The following PTPN6 variants were observed in gnomAD, a reference collection of about 807,000 sequenced individuals.
PTPN6 encodes protein tyrosine phosphatase non-receptor type 6.
PTPN6 carries 18 observed loss-of-function variants against 81.5 expected under a neutral mutation model. That is an observed-to-expected ratio of 0.22 (90% confidence interval 0.15 to 0.33). The LOEUF (loss-of-function observed/expected upper bound fraction) is 0.33, where lower values mean the gene tolerates loss of function less well. Among genes scored for constraint, PTPN6 ranks in the 10% least tolerant of loss-of-function variants. The pLI is 1.00. For missense variants in PTPN6, 500 were observed against 794.2 expected, an observed-to-expected ratio of 0.63 and a Z score of 4.45; for synonymous variants, 301 against 310.9, an observed-to-expected ratio of 0.97 and a Z score of 0.33.
Position 6,960,242 on chromosome 12 carries a change from G to A in PTPN6, c.1581+3G>A, listed in dbSNP as rs1181710206. The A allele has an allele frequency of 7.5e-6, 12 of 1,606,752 alleles. No individual in the cohort carries two copies. The highest frequency in any genetic ancestry group is 3.3e-5 in the Admixed American group (2 of 59,912). ...AGAAGAAGCTGGAGGTCCTGCAGGT[G>A]CGTGCAGAGCAGGGCCTGGGGGGGG... is the stretch of plus-strand genomic sequence containing the variant. On this transcript the variant is annotated splice_donor_region_variant and intron_variant, in intron 13 of 15. Transcript: ENST00000318974. This position sits in a 1 kb window ranked among gnomAD's most constrained non-coding sequence, Gnocchi z 6.1.
Position 6,960,204 on chromosome 12 carries a change from A to G in PTPN6, c.1546A>G (p.Ile516Val). The G allele has an allele frequency of 1.2e-6, 2 of 1,609,422 alleles. No individual in the cohort carries two copies. Among genetic ancestry groups the G allele is most frequent in the Non-Finnish European group, 1.7e-6 (2 of 1,179,208 alleles). ...CATCTACGTGGCCATCGCCCAGTTC[A>G]TTGAAACCACTAAGAAGAAGCTGGA... The part of the protein sequence containing the change: ...KFIYVAIAQF[I>V]ETTKKKLEVL... Residue 516 changes from isoleucine to valine, a missense_variant, in exon 13 of 16, where the codon ATT becomes GTT. This residue lies in a region of PTPN6 where 226 missense variants were observed against 364.4 expected (regional missense o/e 0.62). Transcript: ENST00000318974. This position sits in a 1 kb window ranked among gnomAD's most constrained non-coding sequence, Gnocchi z 6.1.
At position 6,960,930 on chromosome 12, in the gene PTPN6, T is replaced by C; in HGVS notation, c.*10T>C. 3.2e-6 allele frequency: 5 copies of C among 1,559,736 alleles called. No homozygotes were observed. Among genetic ancestry groups the C allele is most frequent in the Non-Finnish European group, 4.3e-6 (5 of 1,151,640 alleles). The stretch of plus-strand genomic sequence containing the variant: ...CCTCAAGAGGAAGTGAGCGGTGCTG[T>C]CCTCAGGTGGCCATGGTACAGCTCT... On this transcript the variant is annotated 3_prime_UTR_variant, in exon 15 of 16. Coordinates refer to ENST00000318974, the MANE Select transcript of PTPN6 (RefSeq NM_002831.6). This position sits in a 1 kb window ranked among gnomAD's most constrained non-coding sequence, Gnocchi z 6.1.
Position 6,957,510 on chromosome 12 carries a change from A to C in PTPN6, c.1075-144A>C. ...GGTGGTTGATCTGAGACGAGAGCCC[A>C]GGTCTCCTGCCTCTCTGCCAGCCCA... On this transcript the variant is annotated intron_variant, in intron 9 of 15. Coordinates refer to ENST00000318974, the MANE Select transcript of PTPN6 (RefSeq NM_002831.6). The surrounding 1 kb of genome is among the most constrained non-coding windows in gnomAD (Gnocchi z 6.5). 1 of 1,103,234 alleles carries C rather than the reference A, an allele frequency of 9.1e-7. No individual in the cohort carries two copies. Among genetic ancestry groups the C allele is most frequent in the African/African-American group, 1.5e-5 (1 of 64,672 alleles). The allele number at this position is 1,103,234 out of a possible 1,614,324, so 68.3% of individuals were successfully genotyped here.
Position 6,951,921 on chromosome 12 carries a change from C to T in PTPN6, c.132-62C>T, listed in dbSNP as rs868969678. ...GTGTGCCCCCACCCAGGACCTCAGCCGATCCCTGCCCTCCTGCCTCTACTC... is the reference window on the plus strand; with the variant it reads ...GTGTGCCCCCACCCAGGACCTCAGCTGATCCCTGCCCTCCTGCCTCTACTC... On this transcript the variant is annotated intron_variant, in intron 2 of 15. Transcript: ENST00000318974. This position sits in a 1 kb window ranked among gnomAD's most constrained non-coding sequence, Gnocchi z 7.2. 26 of 1,582,264 alleles carry T rather than the reference C, an allele frequency of 1.6e-5. No homozygotes were observed. Among genetic ancestry groups the T allele is most frequent in the African/African-American group, 4.0e-5 (3 of 74,082 alleles).
Position 6,957,566 on chromosome 12 carries a change from G to A in PTPN6, c.1075-88G>A, listed in dbSNP as rs1555148905. On this transcript the variant is annotated intron_variant, in intron 9 of 15. Coordinates refer to ENST00000318974, the MANE Select transcript of PTPN6 (RefSeq NM_002831.6). The surrounding 1 kb of genome is among the most constrained non-coding windows in gnomAD (Gnocchi z 6.5). ...CCATCCAACAAATGTTTGGGCCGGT[G>A]CCAGGCACTCAGAACATAGAGCAGG... 1.3e-6 allele frequency: 2 copies of A among 1,513,956 alleles called. No individual in the cohort carries two copies. Among genetic ancestry groups the A allele is most frequent in the African/African-American group, 1.4e-5 (1 of 72,776 alleles). 93.8% of individuals were successfully genotyped at this position (1,513,956 alleles called of 1,614,324 possible).
At chr12:6,951,270 T>A, upstream of PTPN6, 1 of 1,444,614 alleles carries the variant, frequency 6.9e-7, no homozygotes, top group Non-Finnish European at 9.1e-7. This position sits in a 1 kb window ranked among gnomAD's most constrained non-coding sequence, Gnocchi z 7.2. Flanking sequence ...TCCCTTGCTG[T>A]GCTCTAAAAC....
chr12:6,951,848 C>T lies in PTPN6; in HGVS notation c.131+117C>T. On this transcript the variant is annotated intron_variant, in intron 2 of 15. Transcript: ENST00000318974. This position sits in a 1 kb window ranked among gnomAD's most constrained non-coding sequence, Gnocchi z 7.2. ...GCTGACTCCCCGTCTGTTCCCTTGCCCCCAACCCCCACACTCCCCATCCCT... is the reference window on the plus strand; with the variant it reads ...GCTGACTCCCCGTCTGTTCCCTTGCTCCCAACCCCCACACTCCCCATCCCT... 6.3e-7 allele frequency: 1 copy of T among 1,575,796 alleles called. No homozygotes were observed. The highest frequency in any genetic ancestry group is 1.1e-5 in the South Asian group (1 of 89,918).
chr12:6,951,443 C>A lies in PTPN6; in HGVS notation c.-70C>A. On this transcript the variant is annotated 5_prime_UTR_variant, in exon 1 of 16. Coordinates refer to ENST00000318974, the MANE Select transcript of PTPN6 (RefSeq NM_002831.6). This position sits in a 1 kb window ranked among gnomAD's most constrained non-coding sequence, Gnocchi z 7.2. ...CTGCATCTGAGGCTTAGTCCCTGAGCTCTCTGCCTGCCCAGACTAGCTGCA... is the reference window on the plus strand; with the variant it reads ...CTGCATCTGAGGCTTAGTCCCTGAGATCTCTGCCTGCCCAGACTAGCTGCA... 6.2e-7 allele frequency: 1 copy of A among 1,604,488 alleles called. No homozygotes were observed. The highest frequency in any genetic ancestry group is 8.5e-7 in the Non-Finnish European group (1 of 1,175,716).
Position 6,956,146 on chromosome 12 carries a change from C to T in PTPN6, c.849C>T (p.Asp283=), listed in dbSNP as rs782637516. 1.5e-5 allele frequency: 25 copies of T among 1,614,198 alleles called. No individual in the cohort carries two copies. The South Asian group carries it at 2.6e-4, about 17-fold the overall frequency. ...CTCCTCTCCGCCCACTCCCAGTTGACCACAGCCGAGTGATCCTGCAGGGAC... is the reference window on the plus strand; with the variant it reads ...CTCCTCTCCGCCCACTCCCAGTTGATCACAGCCGAGTGATCCTGCAGGGAC... ...KNRYKNILPF[D]HSRVILQGRD... The change falls in exon 8 of 16, where the codon GAC becomes GAT. Residue 283 remains aspartate, a synonymous_variant. Transcript: ENST00000318974. This position sits in a 1 kb window ranked among gnomAD's most constrained non-coding sequence, Gnocchi z 4.1.
At position 6,961,169 on chromosome 12, in the gene PTPN6, C is replaced by G. The variant is rs1946133243; in HGVS notation, c.*69C>G. ...GGAAGCATTTCGCGATGGACAGACT[C>G]ACAACCTGAACCTAGGAGTGCCCCA... On this transcript the variant is annotated 3_prime_UTR_variant, in exon 16 of 16. Coordinates refer to ENST00000318974, the MANE Select transcript of PTPN6 (RefSeq NM_002831.6). 1.6e-6 allele frequency: 1 copy of G among 633,206 alleles called. No individual in the cohort carries two copies. The highest frequency in any genetic ancestry group is 2.6e-6 in the Non-Finnish European group (1 of 377,728). 39.2% of individuals were successfully genotyped at this position (633,206 alleles called of 1,614,324 possible). A position where few individuals can be genotyped will look rare whatever the true frequency, so the allele number is the denominator to read the frequency against.
chr12:6,958,015 C>G lies in PTPN6; in HGVS notation c.1303C>G (p.Gln435Glu). Residue 435 changes from glutamine (Q) to glutamate (E), a missense_variant, in exon 11 of 16, where the codon CAG (glutamine) becomes GAG (glutamate). By Grantham distance (29) the Gln-to-Glu change is conservative. This residue lies in a region of PTPN6 where 226 missense variants were observed against 364.4 expected (regional missense o/e 0.62). Transcript: ENST00000318974. ...TGGGGGTGTCCTCAGCTTCCTGGAC[C>G]AGATCAACCAGCGGCAGGAAAGTCT... The part of the protein sequence containing the change: ...EPGGVLSFLD[Q>E]INQRQESLPH... The G allele has an allele frequency of 6.2e-7, 1 of 1,613,508 alleles. No homozygotes were observed. The highest frequency in any genetic ancestry group is 8.5e-7 in the Non-Finnish European group (1 of 1,180,024).
rs1219260143 is a variant in PTPN6, at chr12:6,961,107, C to CA, written c.*26-18dup. 1.7e-6 allele frequency: 2 copies of CA among 1,173,816 alleles called. No individual in the cohort carries two copies. The highest frequency in any genetic ancestry group is 3.0e-5 in the African/African-American group (2 of 65,682). The allele number at this position is 1,173,816 out of a possible 1,614,324, so 72.7% of individuals were successfully genotyped here. On this transcript the variant is annotated intron_variant, in intron 15 of 15. Coordinates refer to ENST00000318974, the MANE Select transcript of PTPN6 (RefSeq NM_002831.6). ...GGTTCCAGCTACCCTCTCACTCCCT[C>CA]ACTCCCTTCTCTTGGCAGCCTCAGC...
Position 6,959,153 on chromosome 12 carries a change from T to C in PTPN6, c.1362-774T>C, listed in dbSNP as rs1946083823. On this transcript the variant is annotated intron_variant, in intron 11 of 15. Transcript: ENST00000318974. This position sits in a 1 kb window ranked among gnomAD's most constrained non-coding sequence, Gnocchi z 6.6. ...GATGGGCTGTCCGGGGACGCGGCTC[T>C]GTCCTGTGCTCTCTCAGGGACAGGC... 6.6e-6 allele frequency among the ~76,000 whole-genome samples: 1 copy of C among 152,256 alleles called. No homozygotes were observed. Among genetic ancestry groups the C allele is most frequent in the African/African-American group, 2.4e-5 (1 of 41,470 alleles).
chr12:6,947,797 C>T (rs868978223), upstream of PTPN6, among the ~76,000 whole-genome samples: 4 of 152,102 alleles, frequency 2.6e-5, no homozygotes, highest in Middle Eastern at 3.4e-3. Flanking sequence ...AGCTGAGACC[C>T]GGATGAGGAG....
At chr12:6,953,939 A>G (rs782253285) in intron 3 of PTPN6, among the ~76,000 whole-genome samples, 56 of 152,158 alleles carry the variant, frequency 3.7e-4, no homozygotes, top group African/African-American at 1.3e-3. Context: ...CCCTGGGCTG[A>G]GGAAACCTCA....
At position 6,960,367 on chromosome 12, in the gene PTPN6, G is replaced by C; in HGVS notation, c.1605G>C (p.Glu535Asp). The C allele has an allele frequency of 6.2e-7, 1 of 1,613,650 alleles. No individual in the cohort carries two copies. Among genetic ancestry groups the C allele is most frequent in the Non-Finnish European group, 8.5e-7 (1 of 1,179,998 alleles). Reference sequence around the variant, plus strand: ...AGTCGCAGAAGGGCCAGGAGTCGGAGTACGGGAACATCACCTATCCCCCAG... The same window carrying C: ...AGTCGCAGAAGGGCCAGGAGTCGGACTACGGGAACATCACCTATCCCCCAG... ...VLQSQKGQES[E>D]YGNITYPPAM... is the part of the protein sequence containing the mutation. Residue 535 changes from glutamate (E) to aspartate (D), a missense_variant, in exon 14 of 16, where the codon GAG (glutamate) becomes GAC (aspartate). Physicochemically the swap from Glu to Asp is conservative, Grantham distance 45 (BLOSUM62 2). Transcript: ENST00000318974. The surrounding 1 kb of genome is among the most constrained non-coding windows in gnomAD (Gnocchi z 6.1).
Position 6,956,053 on chromosome 12 carries a change from A to G in PTPN6, c.845-89A>G. 1.5e-6 allele frequency: 2 copies of G among 1,333,334 alleles called. No individual in the cohort carries two copies. The highest frequency in any genetic ancestry group is 1.2e-5 in the South Asian group (1 of 84,258). The allele number at this position is 1,333,334 out of a possible 1,614,324, so 82.6% of individuals were successfully genotyped here. A position where few individuals can be genotyped will look rare whatever the true frequency, so the allele number is the denominator to read the frequency against. On this transcript the variant is annotated intron_variant, in intron 7 of 15. Transcript: ENST00000318974. This position sits in a 1 kb window ranked among gnomAD's most constrained non-coding sequence, Gnocchi z 4.1. ...AAGCCTCATGGCTTCTGAGACCAGA[A>G]TGGCCTGTTAGCTCAGGAGGGTCTG...
rs1164853637 is a variant in PTPN6, at chr12:6,955,120, C to T, written c.517-31C>T. Reference sequence around the variant, plus strand: ...GGGACCCAGGGAGGGAGACTCAAGTCCTGTGAATGGCCTAATTTGGCTCCC... The same window carrying T: ...GGGACCCAGGGAGGGAGACTCAAGTTCTGTGAATGGCCTAATTTGGCTCCC... On this transcript the variant is annotated intron_variant, in intron 4 of 15. Coordinates refer to ENST00000318974, the MANE Select transcript of PTPN6 (RefSeq NM_002831.6). This position sits in a 1 kb window ranked among gnomAD's most constrained non-coding sequence, Gnocchi z 7.2. 2 of 1,611,750 alleles carry T rather than the reference C, an allele frequency of 1.2e-6. No homozygotes were observed. The highest frequency in any genetic ancestry group is 1.7e-6 in the Non-Finnish European group (2 of 1,177,854).
chr12:6,948,445 A>G (rs78532629), upstream of PTPN6, among the ~76,000 whole-genome samples: 4,399 of 151,152 alleles, frequency 0.029, 214 homozygotes, highest in African/African-American at 0.098. Flanking sequence ...AAAAAAAAAA[A>G]AAAAAGAGAG....
Sources: gnomAD v4.1 joint callset for allele counts (sites outside exome capture counted in the v4.1 genomes callset) on GRCh38, gnomAD v4.1.1 for gene constraint, gnomAD v4.1.1 regional missense constraint, Gnocchi (gnomAD v3.1) non-coding constraint, MANE v1.5 for transcripts, NCBI Gene and HGNC (gene_info 2026-07-23, HGNC 2026-07-21) for gene names.